Variants in GIGYF2 observed in about 807,000 individuals in gnomAD.
GIGYF2 encodes GRB10 interacting GYF protein 2.
GIGYF2 carries 25 observed loss-of-function variants against 208.1 expected under a neutral mutation model. That is an observed-to-expected ratio of 0.12 (90% CI 0.09 to 0.17). The LOEUF (loss-of-function observed/expected upper bound fraction) is 0.17. Among genes scored for constraint, GIGYF2 ranks in the 10% least tolerant of loss-of-function variants. The pLI is 1.00. For missense variants in GIGYF2, 1,302 were observed against 1,579.4 expected (o/e 0.82, Z 2.98); for synonymous variants, 534 against 543.8 (o/e 0.98, Z 0.25).
chr2:232,781,201 T>G (rs1699706746), intron 8 of GIGYF2, among the ~76,000 whole-genome samples: 1 of 151,920 alleles, frequency 6.6e-6, no homozygotes, highest in Non-Finnish European at 1.5e-5. Context: ...TCAGGTGATC[T>G]GCCCGCCTCG....
At chr2:232,812,681 G>A (rs982622514) in intron 18 of GIGYF2, among the ~76,000 whole-genome samples, 190 bp downstream of exon 18, 1 of 151,908 alleles carries the variant, frequency 6.6e-6, no homozygotes, top group Non-Finnish European at 1.5e-5. Context: ...TTAAGGATTT[G>A]TTTGAATTTA....
chr2:232,768,062 C>T (rs1699047144), intron 8 of GIGYF2: 1 of 859,710 alleles, frequency 1.2e-6, no homozygotes, highest in Admixed American at 2.1e-5. Context: ...CTTATGTAGG[C>T]ATAGGCATGA....
intron 5 of GIGYF2, among the ~76,000 whole-genome samples, chr2:232,749,332 G>A (rs1423505997): frequency 6.6e-6 from 1 of 152,164 alleles, no homozygotes; most frequent in Non-Finnish European, 1.5e-5. Context: ...ACTTACTCAA[G>A]TAGAGAGGAA....
intron 22 of GIGYF2, among the ~76,000 whole-genome samples, chr2:232,837,622 T>C (rs1367207012): frequency 2.7e-5 from 4 of 145,710 alleles, no homozygotes; most frequent in African/African-American, 7.6e-5. Flanking sequence ...ACCCAGCTAC[T>C]TTTTTTTTTT....
At chr2:232,830,298 T>A (rs1559156761) in intron 21 of GIGYF2, among the ~76,000 whole-genome samples, 2 of 152,172 alleles carry the variant, frequency 1.3e-5, no homozygotes, top group African/African-American at 4.8e-5. Flanking sequence ...TACCTGTTCT[T>A]TTTTTCGTTT....
Position 232,819,793 on chromosome 2 carries a change from C to A in GIGYF2, c.2371-34C>A, listed in dbSNP as rs1327898775. The A allele has an allele frequency of 1.6e-5, 4 of 246,184 alleles. 1 individual carries two copies. Among genetic ancestry groups the A allele is most frequent in the South Asian group, 3.4e-5 (1 of 29,116 alleles). The allele number at this position is 246,184 out of a possible 1,614,324, so 15.2% of individuals were successfully genotyped here. On this transcript the variant is annotated intron_variant, in intron 20 of 28. Coordinates refer to ENST00000373563, the MANE Select transcript of GIGYF2 (RefSeq NM_001103146.3). The stretch of plus-strand genomic sequence containing the variant: ...AATTGAATGATAGACCTGAGTCCCT[C>A]CCCCACCCCCCACCCTCCATCTTTT...
rs567701369 is a variant in GIGYF2 at position 232,702,069 on chromosome 2, C to T, written c.-109-1355C>T. Among the ~76,000 whole-genome samples, 4 of 151,882 alleles carry T rather than the reference C, an allele frequency of 2.6e-5. No individual in the cohort carries two copies. The South Asian group carries it at 8.3e-4, about 32-fold the overall frequency. On this transcript the variant is annotated intron_variant, in intron 1 of 28. Coordinates refer to ENST00000373563, the MANE Select transcript of GIGYF2 (RefSeq NM_001103146.3). ...AGTCACAGCTACTCAGGAGGCTGAGCCCAGGAGGTCAAGGCTACAGTGAGC... is the reference window on the plus strand; with the variant it reads ...AGTCACAGCTACTCAGGAGGCTGAGTCCAGGAGGTCAAGGCTACAGTGAGC...
intron 3 of GIGYF2, among the ~76,000 whole-genome samples, chr2:232,745,821 A>G (rs1279163336): frequency 2.6e-5 from 4 of 152,212 alleles, no homozygotes; most frequent in South Asian, 4.1e-4. Context: ...ACATACCACT[A>G]CATACGAAGT....
intron 21 of GIGYF2, among the ~76,000 whole-genome samples, chr2:232,824,889 C>T (rs1701202547): frequency 2.6e-5 from 4 of 152,150 alleles, no homozygotes; most frequent in Admixed American, 2.6e-4. Context: ...AAATTGAAGC[C>T]AGTGCTCATT....
chr2:232,831,101 T>G (rs893023328), intron 21 of GIGYF2, among the ~76,000 whole-genome samples: 2 of 152,178 alleles, frequency 1.3e-5, no homozygotes, highest in Non-Finnish European at 2.9e-5. Context: ...GTACACGTAT[T>G]GCCAACAGTG....
Position 232,813,450 on chromosome 2 carries a change from G to A in GIGYF2, c.2107+959G>A, listed in dbSNP as rs144273146. 9.8e-3 allele frequency among the ~76,000 whole-genome samples: 1,492 copies of A among 152,184 alleles called. 10 individuals carry two copies. The highest frequency in any genetic ancestry group is 0.027 in the Middle Eastern group (8 of 292). ...GTCTCAAAGTGACCTCAAGTGATCCGCCCACCTTGGCCTCCCAAAGTGCTG... is the reference window on the plus strand; with the variant it reads ...GTCTCAAAGTGACCTCAAGTGATCCACCCACCTTGGCCTCCCAAAGTGCTG... On this transcript the variant is annotated intron_variant, in intron 18 of 28. Coordinates refer to ENST00000373563, the MANE Select transcript of GIGYF2 (RefSeq NM_001103146.3).
intron 21 of GIGYF2, among the ~76,000 whole-genome samples, chr2:232,823,392 G>A (rs1174981154): frequency 7.2e-6 from 1 of 138,850 alleles, no homozygotes; most frequent in Non-Finnish European, 1.5e-5. Flanking sequence ...TATTGAGATG[G>A]TCTCACACTG....
chr2:232,771,256 C>T, intron 8 of GIGYF2: 1 of 1,608,736 alleles, frequency 6.2e-7, no homozygotes, highest in Non-Finnish European at 8.5e-7. Context: ...TGCAAGACCT[C>T]TTTGAGCGCC....
intron 2 of GIGYF2, among the ~76,000 whole-genome samples, chr2:232,712,459 C>T (rs1696465131): frequency 6.6e-6 from 1 of 152,196 alleles, no homozygotes; most frequent in African/African-American, 2.4e-5. Context: ...CTTTTCCCCC[C>T]TCTCTCTTAT....
At chr2:232,734,130 T>TTA (rs1697629395) in intron 2 of GIGYF2, among the ~76,000 whole-genome samples, 1 of 147,262 alleles carries the variant, frequency 6.8e-6, no homozygotes, top group South Asian at 2.1e-4. Context: ...TTTTTTTTTT[T>TTA]AAAGAGATGG....
At chr2:232,797,978 C>G (rs1004127622) in intron 14 of GIGYF2, among the ~76,000 whole-genome samples, 8 of 112,332 alleles carry the variant, frequency 7.1e-5, no homozygotes, top group Non-Finnish European at 1.2e-4. Flanking sequence ...GAGACTGTGC[C>G]TCCAAAAAAA....
At chr2:232,804,267 A>C (rs1220367953) in intron 14 of GIGYF2, among the ~76,000 whole-genome samples, 1 of 144,834 alleles carries the variant, frequency 6.9e-6, no homozygotes, top group Non-Finnish European at 1.5e-5. Context: ...TTAGTCTTTT[A>C]GTTCATGAAC....
chr2:232,836,391 TAAATATAA>T (rs1435724187), intron 22 of GIGYF2, among the ~76,000 whole-genome samples: 4,447 of 82,000 alleles, frequency 0.054, 349 homozygotes, highest in East Asian at 0.14. Flanking sequence ...TAAATATATA[TAAATATAA>T]ATATATATAT....
At chr2:232,837,151 C>G (rs1393712684) in intron 22 of GIGYF2, among the ~76,000 whole-genome samples, 1 of 152,220 alleles carries the variant, frequency 6.6e-6, no homozygotes, top group Admixed American at 6.5e-5. Context: ...AAGAGAGCCT[C>G]CACATCTGTT....
Sources: gnomAD v4.1 joint callset for allele counts (sites outside exome capture counted in the v4.1 genomes callset) on GRCh38, gnomAD v4.1.1 for gene constraint, MANE v1.5 for transcripts, NCBI Gene and HGNC (gene_info 2026-07-23, HGNC 2026-07-21) for gene names.